Variants in VSTM4 observed in about 807,000 individuals in gnomAD.
The protein encoded by VSTM4 is V-set and transmembrane domain-containing protein 4.
Under a neutral mutation model 36.4 loss-of-function variants are expected in VSTM4, and 20 were observed. The observed-to-expected ratio is 0.55, with a 90% confidence interval of 0.39 to 0.80. VSTM4 has a LOEUF of 0.80. VSTM4 is among the 30% of genes least tolerant of loss of function. VSTM4 has a pLI of 0.00. For synonymous variants in VSTM4, 182 were observed against 173.9 expected, an observed-to-expected ratio of 1.05 and a Z score of -0.37; for missense variants, 392 against 404.5, an observed-to-expected ratio of 0.97 and a Z score of 0.26.
chr10:49,057,006 G>T (rs1024701360), intron 5 of VSTM4, among the ~76,000 whole-genome samples: 2 of 151,920 alleles, frequency 1.3e-5, no homozygotes, highest in Non-Finnish European at 2.9e-5. Flanking sequence ...CGGCGAGAGG[G>T]GGGCAAGAGA....
chr10:49,068,950 AC>A (rs1272196383), intron 4 of VSTM4, among the ~76,000 whole-genome samples: 1 of 152,020 alleles, frequency 6.6e-6, no homozygotes, highest in Non-Finnish European at 1.5e-5. Flanking sequence ...GACTTTGAAG[AC>A]TCTGAAAGGA....
At chr10:49,025,541 G>C (rs895776502) in intron 7 of VSTM4, among the ~76,000 whole-genome samples, 2 of 152,152 alleles carry the variant, frequency 1.3e-5, no homozygotes, top group African/African-American at 4.8e-5. Flanking sequence ...GCCAGGCCTC[G>C]GCCTTGACCC....
chr10:49,051,587 G>GAA (rs1843699238), intron 5 of VSTM4, among the ~76,000 whole-genome samples: 1 of 152,002 alleles, frequency 6.6e-6, no homozygotes, highest in Non-Finnish European at 1.5e-5. Flanking sequence ...GTAGAGAGGG[G>GAA]GTTTCACCAT....
chr10:49,022,610 G>A (rs1271806678), intron 7 of VSTM4, among the ~76,000 whole-genome samples: 1 of 152,064 alleles, frequency 6.6e-6, no homozygotes, highest in Admixed American at 6.6e-5. Flanking sequence ...GACACCAAAA[G>A]TCTTTACATT....
chr10:49,095,842 A>T (rs1161631945), intron 2 of VSTM4, among the ~76,000 whole-genome samples: 1 of 152,174 alleles, frequency 6.6e-6, no homozygotes, highest in Non-Finnish European at 1.5e-5. Context: ...GGGCCCCAGG[A>T]GGGCAGGCAT....
At chr10:49,095,586 G>A (rs376751538) in intron 2 of VSTM4, among the ~76,000 whole-genome samples, 14 of 152,058 alleles carry the variant, frequency 9.2e-5, no homozygotes, top group Non-Finnish European at 1.8e-4. Flanking sequence ...GCAGGCTGTC[G>A]TCTCTACTGA....
intron 7 of VSTM4, among the ~76,000 whole-genome samples, chr10:49,032,984 G>A (rs1843370425): frequency 6.6e-6 from 1 of 150,916 alleles, no homozygotes; most frequent in South Asian, 2.1e-4. Context: ...AATACTTTAG[G>A]AAGTTAATTG....
chr10:49,091,156 G>A (rs140461922), intron 2 of VSTM4, among the ~76,000 whole-genome samples: 26 of 152,220 alleles, frequency 1.7e-4, no homozygotes, highest in Admixed American at 1.0e-3. Flanking sequence ...AGTGGAGGGA[G>A]GGGTGATGAG....
chr10:49,055,802 T>G (rs1471592280), intron 5 of VSTM4, among the ~76,000 whole-genome samples: 1 of 152,246 alleles, frequency 6.6e-6, no homozygotes, highest in African/African-American at 2.4e-5. Flanking sequence ...GTGGGTGACA[T>G]GAGCCAACCA....
intron 7 of VSTM4, 112 bp from the exon 8 acceptor site, chr10:49,019,887 GA>G: frequency 1.5e-6 from 2 of 1,353,810 alleles, no homozygotes; most frequent in Non-Finnish European, 2.0e-6. Flanking sequence ...TTCAGCGAGG[GA>G]TAAGTGGACA....
chr10:49,083,144 C>T (rs1173659290), intron 3 of VSTM4, among the ~76,000 whole-genome samples: 1 of 152,204 alleles, frequency 6.6e-6, no homozygotes, highest in African/African-American at 2.4e-5. Flanking sequence ...TGTACATTTC[C>T]AGGGCAAATG....
At chr10:49,037,566 C>T (rs1391320648) in intron 7 of VSTM4, among the ~76,000 whole-genome samples, 1 of 152,190 alleles carries the variant, frequency 6.6e-6, no homozygotes, top group East Asian at 1.9e-4. Flanking sequence ...CTGAGGATAT[C>T]ATTAGGGGTA....
intron 4 of VSTM4, among the ~76,000 whole-genome samples, chr10:49,067,272 CTT>C (rs1437811477): frequency 6.6e-6 from 1 of 152,234 alleles, no homozygotes; most frequent in Non-Finnish European, 1.5e-5. Context: ...AAGACCACAA[CTT>C]TGCATTCTAA....
intron 7 of VSTM4, among the ~76,000 whole-genome samples, chr10:49,038,623 C>A (rs1488019682): frequency 6.6e-6 from 1 of 152,136 alleles, no homozygotes; most frequent in Non-Finnish European, 1.5e-5. Flanking sequence ...CACGATTTAG[C>A]TTCTGGATGG....
At chr10:49,110,608 G>C (rs1328387478) in intron 1 of VSTM4, among the ~76,000 whole-genome samples, 1 of 152,030 alleles carries the variant, frequency 6.6e-6, no homozygotes, top group Non-Finnish European at 1.5e-5. Flanking sequence ...TTTGCAGATA[G>C]GGTCTTTAAA....
chr10:49,082,972 C>A (rs1844307180), intron 3 of VSTM4, among the ~76,000 whole-genome samples: 1 of 152,210 alleles, frequency 6.6e-6, no homozygotes, highest in Non-Finnish European at 1.5e-5. Flanking sequence ...ACAGCCCCAC[C>A]AAGCCAGGGC....
chr10:49,043,769 C>T (rs1405591230), intron 7 of VSTM4, among the ~76,000 whole-genome samples: 1 of 152,178 alleles, frequency 6.6e-6, no homozygotes, highest in Non-Finnish European at 1.5e-5. Context: ...CATTTCTAAA[C>T]TCCAAATGGA....
At chr10:49,026,358 T>A (rs993576089) in intron 7 of VSTM4, among the ~76,000 whole-genome samples, 1 of 152,210 alleles carries the variant, frequency 6.6e-6, no homozygotes, top group African/African-American at 2.4e-5. Context: ...CCCACCATGA[T>A]GGGAAGCTCT....
rs1163114222 is a variant in VSTM4 at position 49,070,098 on chromosome 10, A to G, written c.635-5362T>C. On this transcript the variant is annotated intron_variant, in intron 4 of 7. Transcript: ENST00000332853. ...AAACCCCGTCTCTACTAAAAATACA[A>G]AAAAATCAGCCGGGCGTAGTGGCGG... 5.2e-5 allele frequency among the ~76,000 whole-genome samples: 6 copies of G among 114,532 alleles called. 3 individuals are homozygous for G. Among genetic ancestry groups the G allele is most frequent in the East Asian group, 4.5e-4 (2 of 4,404 alleles). 75.1% of individuals were successfully genotyped at this position (114,532 alleles called of 152,430 possible). A position where few individuals can be genotyped will look rare whatever the true frequency, so the allele number is the denominator to read the frequency against.
Sources: allele counts gnomAD v4.1 joint callset (sites outside exome capture counted in the v4.1 genomes callset), GRCh38; gene constraint gnomAD v4.1.1; transcripts MANE v1.5; gene names NCBI Gene and HGNC (gene_info 2026-07-23, HGNC 2026-07-21).